Variants in SUGCT observed in about 807,000 individuals in gnomAD.
The protein encoded by SUGCT is succinyl-CoA:glutarate CoA-transferase.
A neutral mutation model predicts 55.0 loss-of-function variants in SUGCT; 41 were observed. That is an observed-to-expected ratio of 0.74 (90% CI 0.58 to 0.97). The LOEUF (loss-of-function observed/expected upper bound fraction) is 0.97, where lower values mean the gene tolerates loss of function less well. SUGCT is among the 50% of genes least tolerant of loss of function. SUGCT has a pLI of 0.00. For missense variants in SUGCT, 568 were observed against 547.8 expected, an observed-to-expected ratio of 1.04 and a Z score of -0.37; for synonymous variants, 187 against 200.4, an observed-to-expected ratio of 0.93 and a Z score of 0.56.
intron 12 of SUGCT, among the ~76,000 whole-genome samples, chr7:40,566,658 A>G (rs575449358): frequency 2.0e-4 from 31 of 152,310 alleles, no homozygotes; most frequent in African/African-American, 7.2e-4. Flanking sequence ...ATTAAGCTAA[A>G]TGCATTCTAT....
chr7:40,481,889 T>C (rs1791073714), intron 11 of SUGCT, among the ~76,000 whole-genome samples: 1 of 152,152 alleles, frequency 6.6e-6, no homozygotes, highest in African/African-American at 2.4e-5. Flanking sequence ...TTAACTTTTT[T>C]CCATAGCAGT....
Position 40,250,830 on chromosome 7 carries a change from T to TC in SUGCT, c.576+13104_576+13105insC, listed in dbSNP as rs1406158668. Among the ~76,000 whole-genome samples, 9 of 33,522 alleles carry TC rather than the reference T, an allele frequency of 2.7e-4. 3 individuals are homozygous for TC. The highest frequency in any genetic ancestry group is 2.2e-4 in the Non-Finnish European group (2 of 9,176). The allele number at this position is 33,522 out of a possible 152,430, so 22.0% of individuals were successfully genotyped here. ...GATGTTGAAGTCATTTCACGCTTCT[T>TC]TTTTTTTTTTTTTTTTTTTTTTTTA... On this transcript the variant is annotated intron_variant, in intron 7 of 13. Transcript: ENST00000335693.
chr7:40,377,254 CT>C (rs1328189267), intron 9 of SUGCT, among the ~76,000 whole-genome samples: 1 of 9,348 alleles, frequency 1.1e-4, no homozygotes, highest in Non-Finnish European at 2.3e-4. Context: ...TTCCTTCTTT[CT>C]TTTTTGAGAC....
chr7:40,298,975 T>G (rs760163109), intron 8 of SUGCT, among the ~76,000 whole-genome samples: 2 of 152,212 alleles, frequency 1.3e-5, no homozygotes, highest in Non-Finnish European at 2.9e-5. Flanking sequence ...TGTTACAGTC[T>G]TCTTTTGTGC....
intron 1 of SUGCT, among the ~76,000 whole-genome samples, chr7:40,171,201 G>A (rs367604177): frequency 5.8e-4 from 89 of 152,290 alleles, no homozygotes; most frequent in Middle Eastern, 3.4e-3. Flanking sequence ...AGAAATATGA[G>A]AGATGAATCC....
intron 13 of SUGCT, among the ~76,000 whole-genome samples, chr7:40,764,501 A>G (rs371761506): frequency 3.3e-5 from 5 of 152,188 alleles, no homozygotes. Flanking sequence ...CTATCTTTAT[A>G]AGGCTTTCTT....
At chr7:40,741,588 T>C (rs1787465083) in intron 12 of SUGCT, among the ~76,000 whole-genome samples, 1 of 152,218 alleles carries the variant, frequency 6.6e-6, no homozygotes, top group Admixed American at 6.5e-5. Context: ...CACTATGCCA[T>C]AGCAAATCTA....
At chr7:40,852,481 C>G (rs1446992724) in intron 13 of SUGCT, among the ~76,000 whole-genome samples, 1 of 151,984 alleles carries the variant, frequency 6.6e-6, no homozygotes, top group Non-Finnish European at 1.5e-5. Context: ...TAGCTTCCCA[C>G]TGAACCTAGA....
At chr7:40,937,340 T>G in the SUGCT span, among the ~76,000 whole-genome samples, 2 of 152,140 alleles carry the variant, frequency 1.3e-5, no homozygotes, top group East Asian at 3.9e-4. Context: ...AGCAAATTTT[T>G]TTGTATTTTT....
chr7:40,462,552 C>A (rs1186722651), intron 11 of SUGCT, among the ~76,000 whole-genome samples: 1 of 152,032 alleles, frequency 6.6e-6, no homozygotes, highest in African/African-American at 2.4e-5. Context: ...GAGAAGAGGT[C>A]AAAGCATTTC....
chr7:40,249,323 A>ATATATCTATATATC (rs1562612040), intron 7 of SUGCT, among the ~76,000 whole-genome samples: 2 of 91,790 alleles, frequency 2.2e-5, no homozygotes, highest in Non-Finnish European at 4.9e-5. Context: ...CTATATATAT[A>ATATATCTATATATC]TATATATATA....
chr7:40,325,898 C>CTTTTTTTTTT (rs71560191), intron 9 of SUGCT, among the ~76,000 whole-genome samples: 1 of 122,182 alleles, frequency 8.2e-6, no homozygotes, highest in Non-Finnish European at 1.7e-5. Flanking sequence ...GGATGTGCGT[C>CTTTTTTTTTT]TTTTTTTTTT....
At chr7:40,907,534 T>C in the SUGCT span, among the ~76,000 whole-genome samples, 1 of 152,224 alleles carries the variant, frequency 6.6e-6, no homozygotes, top group South Asian at 2.1e-4. Context: ...TGGTTTTATA[T>C]GCATTGCCTC....
At chr7:40,629,520 A>G (rs887303403) in intron 12 of SUGCT, among the ~76,000 whole-genome samples, 20 of 135,848 alleles carry the variant, frequency 1.5e-4, no homozygotes, top group African/African-American at 4.4e-4. Flanking sequence ...CCTATGTGGC[A>G]GGAATAGGGG....
chr7:40,468,580 T>G (rs1790247229), intron 11 of SUGCT, among the ~76,000 whole-genome samples: 1 of 152,196 alleles, frequency 6.6e-6, no homozygotes, highest in South Asian at 2.1e-4. Context: ...ACAAGTTTTC[T>G]TAGAGAACAG....
At chr7:40,374,009 T>C (rs919374458) in intron 9 of SUGCT, among the ~76,000 whole-genome samples, 2 of 152,168 alleles carry the variant, frequency 1.3e-5, no homozygotes, top group Non-Finnish European at 2.9e-5. Context: ...TTGTTGTTGT[T>C]TTGTTTGGCT....
chr7:40,676,497 G>A (rs968744761), intron 12 of SUGCT, among the ~76,000 whole-genome samples: 1 of 127,642 alleles, frequency 7.8e-6, no homozygotes, highest in African/African-American at 3.4e-5. Context: ...TTGCGGTTTT[G>A]TTTTTTGTTT....
chr7:40,191,872 C>G (rs1048497250), intron 5 of SUGCT, among the ~76,000 whole-genome samples: 2 of 152,102 alleles, frequency 1.3e-5, no homozygotes, highest in South Asian at 2.1e-4. Context: ...CACTTTGGGA[C>G]GCCGAGGTGG....
At chr7:40,668,565 C>G (rs1323169147) in intron 12 of SUGCT, among the ~76,000 whole-genome samples, 1 of 152,000 alleles carries the variant, frequency 6.6e-6, no homozygotes, top group African/African-American at 2.4e-5. Context: ...AACGAAAACT[C>G]TAGATATTAT....
Sources: gnomAD v4.1 joint callset for allele counts (sites outside exome capture counted in the v4.1 genomes callset) on GRCh38, gnomAD v4.1.1 for gene constraint, MANE v1.5 for transcripts, NCBI Gene and HGNC (gene_info 2026-07-23, HGNC 2026-07-21) for gene names.